ALKAL1: variants seen among roughly 807,000 people sequenced by gnomAD.
The protein encoded by ALKAL1 is ALK and LTK ligand 1.
A neutral mutation model predicts 13.5 loss-of-function variants in ALKAL1; 23 were observed. The observed-to-expected ratio is 1.70, with a 90% confidence interval of 1.23 to 2.41. The LOEUF (loss-of-function observed/expected upper bound fraction) is 2.41, where lower values mean the gene tolerates loss of function less well. Among genes scored for constraint, ALKAL1 ranks in the 30% most tolerant of loss-of-function variants. The pLI is 0.00. For missense variants in ALKAL1, 181 were observed against 178.4 expected (o/e 1.01, Z -0.08); for synonymous variants, 85 against 77.7 (o/e 1.09, Z -0.49).
At chr8:52,555,805 C>T (rs12544406) in intron 1 of ALKAL1, among the ~76,000 whole-genome samples, 81,530 of 152,024 alleles carry the variant, frequency 0.54, 22,356 homozygotes, top group African/African-American at 0.65. Flanking sequence ...TTCCCCGTTC[C>T]TCCTTCCTCA....
chr8:52,554,234 A>C (rs1283787532), intron 1 of ALKAL1, among the ~76,000 whole-genome samples: 1 of 152,212 alleles, frequency 6.6e-6, no homozygotes, highest in African/African-American at 2.4e-5. Context: ...CACACACACA[A>C]AAAAGCTAAA....
chr8:52,561,741 C>G (rs1297176249), intron 1 of ALKAL1, among the ~76,000 whole-genome samples: 1 of 152,166 alleles, frequency 6.6e-6, no homozygotes, highest in African/African-American at 2.4e-5. Flanking sequence ...CATCAAAACC[C>G]CTTCACATTC....
At chr8:52,543,787 C>A (rs535541957) in intron 1 of ALKAL1, among the ~76,000 whole-genome samples, 1 of 152,246 alleles carries the variant, frequency 6.6e-6, no homozygotes, top group East Asian at 1.9e-4. Context: ...CTGGTGCTTT[C>A]TGAAAAATGA....
intron 1 of ALKAL1, among the ~76,000 whole-genome samples, chr8:52,547,443 T>C (rs1186995499): frequency 6.6e-6 from 1 of 152,154 alleles, no homozygotes; most frequent in Non-Finnish European, 1.5e-5. Flanking sequence ...GAGGTTGTAG[T>C]GAGCCAAGAT....
intron 1 of ALKAL1, among the ~76,000 whole-genome samples, chr8:52,545,087 A>AT (rs1847356426): frequency 6.6e-6 from 1 of 152,078 alleles, no homozygotes; most frequent in African/African-American, 2.4e-5. Context: ...AGCATAAACT[A>AT]TTTTTAATAA....
chr8:52,549,857 A>G (rs1050229135), intron 1 of ALKAL1, among the ~76,000 whole-genome samples: 1 of 152,068 alleles, frequency 6.6e-6, no homozygotes, highest in African/African-American at 2.4e-5. Context: ...CAGGAGAATC[A>G]CTGGAACCAG....
At chr8:52,548,742 T>G (rs558583493) in intron 1 of ALKAL1, among the ~76,000 whole-genome samples, 2 of 152,202 alleles carry the variant, frequency 1.3e-5, no homozygotes, top group Admixed American at 6.5e-5. Flanking sequence ...ATCATTATCT[T>G]GGAACAATTT....
At chr8:52,538,561 G>T in intron 3 of ALKAL1, 54 bp from the exon 4 acceptor site, 1 of 1,175,656 alleles carries the variant, frequency 8.5e-7, no homozygotes, top group East Asian at 2.5e-5. Flanking sequence ...AAATGTTGGG[G>T]AAATCCTGTT....
chr8:52,562,267 G>A (rs1457499856), intron 1 of ALKAL1, among the ~76,000 whole-genome samples: 8 of 152,166 alleles, frequency 5.3e-5, no homozygotes, highest in African/African-American at 1.7e-4. Flanking sequence ...ACTCTCAAGA[G>A]GGTCTGAACT....
chr8:52,536,842 A>T (rs1324245863), intron 4 of ALKAL1, among the ~76,000 whole-genome samples: 1 of 152,242 alleles, frequency 6.6e-6, no homozygotes, highest in African/African-American at 2.4e-5. Context: ...AAGGTTGTCA[A>T]AAAACTATTT....
At chr8:52,540,034 C>A in intron 2 of ALKAL1, 123 bp from the exon 3 acceptor site, 1 of 671,934 alleles carries the variant, frequency 1.5e-6, no homozygotes, top group Non-Finnish European at 2.4e-6. Context: ...CTTAAAAGAA[C>A]GTGCCTGAGA....
chr8:52,540,049 T>G, intron 2 of ALKAL1, 138 bp from the exon 3 acceptor site: 4 of 556,448 alleles, frequency 7.2e-6, no homozygotes, highest in East Asian at 3.1e-5. Context: ...CTGAGAGCTC[T>G]TCCCCCTACC....
Position 52,543,629 on chromosome 8 carries a change from C to G in ALKAL1, c.191-1184G>C, listed in dbSNP as rs549932643. On this transcript the variant is annotated intron_variant, in intron 1 of 4. Transcript: ENST00000358543. ...AAACTAATCCTGAAAAACAAAGCAG[C>G]AGTAAAATGAAAGTACTTCATATAA... Among the ~76,000 whole-genome samples, 178 of 152,322 alleles carry G rather than the reference C, an allele frequency of 1.2e-3. 1 individual carries two copies. Among genetic ancestry groups the G allele is most frequent in the African/African-American group, 4.2e-3 (173 of 41,580 alleles).
chr8:52,542,286 G>C (rs1208439230), intron 2 of ALKAL1, 106 bp downstream of exon 2: 2 of 700,198 alleles, frequency 2.9e-6, no homozygotes, highest in Non-Finnish European at 4.8e-6. Flanking sequence ...ACTGGACCAT[G>C]AGTCCCCTAC....
chr8:52,541,704 C>T (rs1045367583), intron 2 of ALKAL1, among the ~76,000 whole-genome samples: 59 of 151,994 alleles, frequency 3.9e-4, no homozygotes, highest in Non-Finnish European at 1.2e-4. Flanking sequence ...GGCAGTGAGC[C>T]GAGATCGTGC....
chr8:52,555,739 C>A (rs1313929932), intron 1 of ALKAL1, among the ~76,000 whole-genome samples: 1 of 152,196 alleles, frequency 6.6e-6, no homozygotes, highest in Non-Finnish European at 1.5e-5. Context: ...CGCCCACTCA[C>A]CCTGCCGTGC....
intron 1 of ALKAL1, among the ~76,000 whole-genome samples, chr8:52,550,984 A>G (rs1340076844): frequency 6.6e-6 from 1 of 152,190 alleles, no homozygotes; most frequent in Admixed American, 6.5e-5. Context: ...TTAAATTCCT[A>G]ATGTATGAAA....
At chr8:52,536,468 C>T (rs779392743) in intron 4 of ALKAL1, among the ~76,000 whole-genome samples, 3 of 152,166 alleles carry the variant, frequency 2.0e-5, no homozygotes, top group Admixed American at 6.5e-5. Flanking sequence ...TATTTAGGAT[C>T]GTACAAATAC....
intron 3 of ALKAL1, among the ~76,000 whole-genome samples, chr8:52,539,136 C>G (rs1268004215): frequency 1.3e-5 from 2 of 152,038 alleles, no homozygotes; most frequent in African/African-American, 4.8e-5. Flanking sequence ...ACAAATACAA[C>G]TTAACATGCT....
Sources: gnomAD v4.1 joint callset for allele counts (sites outside exome capture counted in the v4.1 genomes callset) on GRCh38, gnomAD v4.1.1 for gene constraint, MANE v1.5 for transcripts, NCBI Gene and HGNC (gene_info 2026-07-23, HGNC 2026-07-21) for gene names.